Variants in FA2H observed in about 807,000 individuals in gnomAD.
FA2H encodes fatty acid alpha-hydroxylase.
A neutral mutation model predicts 44.9 loss-of-function variants in FA2H; 22 were observed. The observed-to-expected ratio is 0.49, with a 90% CI of 0.35 to 0.70. The LOEUF is 0.70. Ranked by LOEUF, FA2H falls within the 30% of genes least tolerant of loss-of-function variation. The probability of loss-of-function intolerance (pLI) is 0.01; values close to 1 mark genes in which losing one functional copy is unlikely to be tolerated. For missense variants in FA2H, 501 were observed against 504.9 expected, an observed-to-expected ratio of 0.99 and a Z score of 0.07; for synonymous variants, 243 against 213.2, an observed-to-expected ratio of 1.14 and a Z score of -1.22.
intron 1 of FA2H, among the ~76,000 whole-genome samples, chr16:74,767,138 G>A (rs1374617339): frequency 2.6e-5 from 4 of 152,080 alleles, no homozygotes; most frequent in Non-Finnish European, 5.9e-5. Context: ...GTGAAACCCC[G>A]TCTCTACTAA....
intron 1 of FA2H, among the ~76,000 whole-genome samples, chr16:74,770,813 A>C (rs1279676189): frequency 6.6e-6 from 1 of 152,172 alleles, no homozygotes. Context: ...CATTGTTTTG[A>C]GTTTTGTTCC....
intron 3 of FA2H, 39 bp downstream of exon 3, chr16:74,727,205 G>A: frequency 6.2e-7 from 1 of 1,613,536 alleles, no homozygotes; most frequent in East Asian, 2.2e-5. Flanking sequence ...ACCGTCAGAA[G>A]AGAGGGACAG....
At chr16:74,715,998 T>C (rs1221183533) in intron 6 of FA2H, among the ~76,000 whole-genome samples, 1 of 152,020 alleles carries the variant, frequency 6.6e-6, no homozygotes, top group Non-Finnish European at 1.5e-5. Flanking sequence ...GTATTTCTAG[T>C]GGAGACAGGT....
chr16:74,751,524 C>T (rs1962525932), intron 1 of FA2H, among the ~76,000 whole-genome samples: 1 of 152,024 alleles, frequency 6.6e-6, no homozygotes, highest in South Asian at 2.1e-4. Context: ...TGCTTCAGCC[C>T]CAGGAAGTGA....
intron 2 of FA2H, among the ~76,000 whole-genome samples, chr16:74,734,665 C>T (rs771824094): frequency 7.2e-5 from 11 of 152,186 alleles, no homozygotes; most frequent in Non-Finnish European, 1.5e-4. Context: ...TAGAAGGGGG[C>T]CTTCCCTGTT....
At chr16:74,758,769 A>G in intron 1 of FA2H, among the ~76,000 whole-genome samples, 1 of 152,188 alleles carries the variant, frequency 6.6e-6, no homozygotes, top group South Asian at 2.1e-4. Context: ...TCTACAAAAT[A>G]TTAAAAAATA....
chr16:74,744,019 G>C lies in FA2H; in HGVS notation c.271-3904C>G, dbSNP rs552941002. On this transcript the variant is annotated intron_variant, in intron 1 of 6. Coordinates refer to ENST00000219368, the MANE Select transcript of FA2H (RefSeq NM_024306.5). Reference sequence around the variant, plus strand: ...AAAAACCCTCCCTACACACAGCTAAGACAAAGACCCTTCTGAAGAAGGTCT... The same window carrying C: ...AAAAACCCTCCCTACACACAGCTAACACAAAGACCCTTCTGAAGAAGGTCT... Among the ~76,000 whole-genome samples the C allele has an allele frequency of 1.1e-4, 17 of 152,310 alleles. No homozygotes were observed. The South Asian group carries it at 2.9e-3, about 26-fold the overall frequency.
chr16:74,734,400 AT>A (rs1299993328), intron 2 of FA2H, among the ~76,000 whole-genome samples: 3 of 152,154 alleles, frequency 2.0e-5, no homozygotes. Context: ...GGGTGGAGGG[AT>A]TTTTTGGTGA....
In FA2H at chr16:74,720,180, C is replaced by CTTTTTTTTTTTTTTTTTTTTTTTTTTTT. The variant is rs56341013; in HGVS notation, c.614-1048_614-1021dup. On this transcript the variant is annotated intron_variant, in intron 4 of 6. Transcript: ENST00000219368. ...TTTGCTCCATATATTCATCCTCATC[C>CTTTTTTTTTTTTTTTTTTTTTTTTTTTT]TTTTTTTTTTTTTTTTTTTTTTTTT... Among the ~76,000 whole-genome samples the CTTTTTTTTTTTTTTTTTTTTTTTTTTTT allele has an allele frequency of 6.4e-5, 3 of 47,198 alleles. 1 individual carries two copies. The highest frequency in any genetic ancestry group is 1.0e-4 in the African/African-American group (1 of 9,806). The allele number at this position is 47,198 out of a possible 152,430, so 31.0% of individuals were successfully genotyped here.
At chr16:74,753,328 G>A (rs1192927178) in intron 1 of FA2H, among the ~76,000 whole-genome samples, 1 of 152,240 alleles carries the variant, frequency 6.6e-6, no homozygotes, top group Non-Finnish European at 1.5e-5. Flanking sequence ...AGTGTCCACA[G>A]CTCAACTGCT....
rs777488679 is a variant in FA2H, at chr16:74,740,039, A to T, written c.347T>A (p.Val116Glu). Residue 116 changes from valine (V) to glutamate (E), a missense_variant, in exon 2 of 7, where the codon GTG becomes GAG. Val to Glu is a moderately radical substitution (Grantham distance 121, BLOSUM62 -2). Transcript: ENST00000219368. The part of the protein sequence containing the change: ...TDPAMEPRFK[V>E]VDWDKDLVDW... ...GCCAGGTACCTTGTCCCAATCCACCACTTTGAACCGTGGTTCCATAGCAGG... is the reference window on the plus strand; with the variant it reads ...GCCAGGTACCTTGTCCCAATCCACCTCTTTGAACCGTGGTTCCATAGCAGG... 2 of 1,613,480 alleles carry T rather than the reference A, an allele frequency of 1.2e-6. No individual in the cohort carries two copies. Among genetic ancestry groups the T allele is most frequent in the South Asian group, 2.2e-5 (2 of 91,058 alleles).
At chr16:74,757,350 G>T (rs765804926) in intron 1 of FA2H, among the ~76,000 whole-genome samples, 5 of 152,188 alleles carry the variant, frequency 3.3e-5, no homozygotes, top group Non-Finnish European at 2.9e-5. Flanking sequence ...CACAGAATTG[G>T]TGAAAGTGTG....
At chr16:74,773,790 G>C (rs1489642800) in intron 1 of FA2H, among the ~76,000 whole-genome samples, 2 of 152,214 alleles carry the variant, frequency 1.3e-5, no homozygotes, top group Non-Finnish European at 2.9e-5. Flanking sequence ...GCACAGAAGC[G>C]TGCAGCTCAG....
chr16:74,771,576 T>A (rs1488017361), intron 1 of FA2H, among the ~76,000 whole-genome samples: 1 of 151,926 alleles, frequency 6.6e-6, no homozygotes, highest in Non-Finnish European at 1.5e-5. Context: ...CCTCAAGTGA[T>A]CCACCCGCCT....
At chr16:74,771,988 T>C (rs1216602228) in intron 1 of FA2H, among the ~76,000 whole-genome samples, 3 of 151,732 alleles carry the variant, frequency 2.0e-5, no homozygotes, top group Non-Finnish European at 4.4e-5. Context: ...TCTTGCTCTA[T>C]TGCCCAGGCT....
chr16:74,727,998 C>A (rs922283153), intron 2 of FA2H, among the ~76,000 whole-genome samples: 7 of 152,158 alleles, frequency 4.6e-5, no homozygotes, highest in African/African-American at 1.4e-4. Context: ...AAGAGGCCAA[C>A]CTTGTTTCAT....
intron 1 of FA2H, among the ~76,000 whole-genome samples, chr16:74,749,802 C>G (rs1962498378): frequency 6.6e-6 from 1 of 152,214 alleles, no homozygotes; most frequent in Non-Finnish European, 1.5e-5. Context: ...ATCCTTAGCC[C>G]TCCAGCCTCT....
intron 2 of FA2H, among the ~76,000 whole-genome samples, chr16:74,730,081 C>A (rs894244320): frequency 6.6e-6 from 1 of 152,152 alleles, no homozygotes; most frequent in African/African-American, 2.4e-5. Context: ...GCAGCCACAG[C>A]GGGTCTTCCA....
At chr16:74,741,776 ATATATATATATATATAT>A (rs569724527) in intron 1 of FA2H, among the ~76,000 whole-genome samples, 35 of 36,628 alleles carry the variant, frequency 9.6e-4, no homozygotes, top group Non-Finnish European at 1.5e-3. Flanking sequence ...CTGATTAAAT[ATATATATATATATATAT>A]ATATATATAT....
Sources: allele counts gnomAD v4.1 joint callset (sites outside exome capture counted in the v4.1 genomes callset), GRCh38; gene constraint gnomAD v4.1.1; transcripts MANE v1.5; gene names NCBI Gene and HGNC (gene_info 2026-07-23, HGNC 2026-07-21).